RIMS2: variants seen among roughly 807,000 people sequenced by gnomAD.
RIMS2 encodes the protein regulating synaptic membrane exocytosis 2, also known as regulating synaptic membrane exocytosis protein 2.
RIMS2 carries 59 observed loss-of-function variants against 174.4 expected under a neutral mutation model. That is an observed-to-expected ratio of 0.34 (90% CI 0.27 to 0.42). The LOEUF is 0.42. Ranked by LOEUF, RIMS2 falls within the 10% of genes least tolerant of loss-of-function variation. RIMS2 has a pLI of 1.00. For missense variants in RIMS2, 1,620 were observed against 1,666.3 expected (o/e 0.97, Z 0.48); for synonymous variants, 606 against 572.5 (o/e 1.06, Z -0.84).
At chr8:103,926,477 T>C (rs1565352850) in intron 10 of RIMS2, among the ~76,000 whole-genome samples, 1 of 151,104 alleles carries the variant, frequency 6.6e-6, no homozygotes, top group Non-Finnish European at 1.5e-5. Context: ...GAGAGAGAGA[T>C]TGAGAGAGAG....
intron 10 of RIMS2, among the ~76,000 whole-genome samples, chr8:103,927,670 A>C (rs945965895): frequency 2.6e-5 from 4 of 151,576 alleles, no homozygotes. Context: ...GCATTGGACA[A>C]AATTAATTTA....
intron 3 of RIMS2, among the ~76,000 whole-genome samples, chr8:103,856,384 T>G (rs1383984019): frequency 2.0e-5 from 3 of 152,238 alleles, no homozygotes; most frequent in Non-Finnish European, 4.4e-5. Flanking sequence ...AGCACTTTTA[T>G]GTACAAGTTT....
At chr8:103,726,979 T>C (rs1016978878) in intron 2 of RIMS2, among the ~76,000 whole-genome samples, 15 of 151,384 alleles carry the variant, frequency 9.9e-5, no homozygotes, top group Non-Finnish European at 1.0e-4. Flanking sequence ...CCTTGTGATC[T>C]GCCCACCTCA....
chr8:103,635,987 C>G (rs2096065898), intron 1 of RIMS2, among the ~76,000 whole-genome samples: 1 of 151,910 alleles, frequency 6.6e-6, no homozygotes, highest in African/African-American at 2.4e-5. Context: ...TCCCTTAAAG[C>G]AGCAGTCTGG....
At chr8:103,734,317 C>CT (rs752360759) in intron 2 of RIMS2, among the ~76,000 whole-genome samples, 14,110 of 121,588 alleles carry the variant, frequency 0.12, 756 homozygotes, top group African/African-American at 0.13. Context: ...GGCCTAAAAG[C>CT]TTTTTTTTTT....
intron 12 of RIMS2, among the ~76,000 whole-genome samples, chr8:103,933,288 G>GACACAC (rs55909886): frequency 0.059 from 7,010 of 119,514 alleles, 380 homozygotes; most frequent in East Asian, 0.25. Flanking sequence ...TCGAGACTCT[G>GACACAC]ACACACACAC....
intron 19 of RIMS2, among the ~76,000 whole-genome samples, chr8:104,127,182 A>G (rs2098438687): frequency 6.6e-6 from 1 of 152,182 alleles, no homozygotes; most frequent in Admixed American, 6.5e-5. Context: ...TTCCATAAGT[A>G]TGCCTGCTTT....
chr8:103,731,978 C>A (rs1173619209), intron 2 of RIMS2, among the ~76,000 whole-genome samples: 2 of 152,114 alleles, frequency 1.3e-5, no homozygotes, highest in Non-Finnish European at 2.9e-5. Flanking sequence ...CCTGGATAGT[C>A]TTGGTGCTTG....
rs536962100 is a variant in RIMS2 at position 103,898,612 on chromosome 8, G to A, written c.1625-11522G>A. ...AATTAAAAAAAGGAATATAATGTAGGCCATCACCTTTGTGCCCTTATTTTT... is the reference window on the plus strand; with the variant it reads ...AATTAAAAAAAGGAATATAATGTAGACCATCACCTTTGTGCCCTTATTTTT... On this transcript the variant is annotated intron_variant, in intron 4 of 23. Coordinates refer to ENST00000504942, the Ensembl canonical transcript of RIMS2. 5.3e-4 allele frequency among the ~76,000 whole-genome samples: 80 copies of A among 151,600 alleles called. 1 individual carries two copies. Among genetic ancestry groups the A allele is most frequent in the South Asian group, 3.7e-3 (18 of 4,822 alleles).
chr8:103,945,946 C>A (rs1364876496), intron 14 of RIMS2, among the ~76,000 whole-genome samples: 1 of 152,140 alleles, frequency 6.6e-6, no homozygotes, highest in East Asian at 1.9e-4. Context: ...CTTCTTATCA[C>A]TTCTATTCAG....
intron 19 of RIMS2, among the ~76,000 whole-genome samples, chr8:104,130,437 A>C (rs574670046): frequency 1.3e-5 from 2 of 152,316 alleles, no homozygotes; most frequent in African/African-American, 4.8e-5. Flanking sequence ...TAGCTGACTG[A>C]AACTTTTAGC....
chr8:103,810,624 A>G (rs1295560216), intron 3 of RIMS2, among the ~76,000 whole-genome samples: 1 of 152,208 alleles, frequency 6.6e-6, no homozygotes, highest in Non-Finnish European at 1.5e-5. Context: ...GGTCTACAAC[A>G]TGATGTTTTG....
At chr8:103,811,881 G>A (rs911205338) in intron 3 of RIMS2, among the ~76,000 whole-genome samples, 2 of 152,206 alleles carry the variant, frequency 1.3e-5, no homozygotes, top group African/African-American at 2.4e-5. Flanking sequence ...TACACTTCTG[G>A]CTTAGAAAGA....
chr8:104,159,878 CCTGGAATCCCA>C (rs1359699648), intron 19 of RIMS2, among the ~76,000 whole-genome samples: 10 of 152,024 alleles, frequency 6.6e-5, no homozygotes, highest in African/African-American at 2.4e-4. Flanking sequence ...GTGGCTCATG[CCTGGAATCCCA>C]GCAATTTGGG....
Position 103,789,469 on chromosome 8 carries a change from G to A in RIMS2, c.698+22932G>A, listed in dbSNP as rs74355061. Among the ~76,000 whole-genome samples, 947 of 152,094 alleles carry A rather than the reference G, an allele frequency of 6.2e-3. 11 individuals are homozygous for A. Among genetic ancestry groups the A allele is most frequent in the African/African-American group, 0.022 (893 of 41,488 alleles). On this transcript the variant is annotated intron_variant, in intron 3 of 23. Transcript: ENST00000504942. ...GATTAGTTTAAAGTCAACCAAGGAG[G>A]GACCTTAATCACATCTGCAAAATCA... is the stretch of plus-strand genomic sequence containing the variant.
intron 3 of RIMS2, among the ~76,000 whole-genome samples, chr8:103,784,983 A>G (rs150184660): frequency 7.0e-6 from 1 of 142,058 alleles, no homozygotes; most frequent in Non-Finnish European, 1.5e-5. Context: ...GAGGTTCTTC[A>G]CATCCCTTGT....
intron 3 of RIMS2, among the ~76,000 whole-genome samples, chr8:103,792,637 G>T (rs1037713087): frequency 8.0e-5 from 11 of 137,576 alleles, no homozygotes; most frequent in East Asian, 2.2e-4. Flanking sequence ...CCAGGAGCTG[G>T]TTTTTTTTTT....
chr8:103,539,637 C>G (rs1044523781), intron 1 of RIMS2, among the ~76,000 whole-genome samples: 30 of 152,272 alleles, frequency 2.0e-4, no homozygotes, highest in Admixed American at 6.5e-4. Context: ...TTTTTGCCAC[C>G]AAGGCAACCA....
intron 13 of RIMS2, among the ~76,000 whole-genome samples, chr8:103,940,437 G>A (rs1378553485): frequency 1.3e-5 from 2 of 151,954 alleles, no homozygotes; most frequent in African/African-American, 2.4e-5. Context: ...ATGACACAAG[G>A]GTATTGTGGG....
Sources: allele counts gnomAD v4.1 joint callset (sites outside exome capture counted in the v4.1 genomes callset), GRCh38; gene constraint gnomAD v4.1.1; transcripts MANE v1.5; gene names NCBI Gene and HGNC (gene_info 2026-07-23, HGNC 2026-07-21).